ZNF718: variants seen among roughly 807,000 people sequenced by gnomAD.
The protein encoded by ZNF718 is zinc finger protein 718.
Under a neutral mutation model 2.6 loss-of-function variants are expected in ZNF718, and 3 were observed. That is an observed-to-expected ratio of 1.16 (90% CI 0.53 to 3.01). The LOEUF is 3.01. Among genes scored for constraint, ZNF718 ranks in the 30% most tolerant of loss-of-function variants. The pLI is 0.03. For synonymous variants in ZNF718, 135 were observed against 77.9 expected, an observed-to-expected ratio of 1.73 and a Z score of -3.86; for missense variants, 468 against 230.0, an observed-to-expected ratio of 2.03 and a Z score of -6.69.
chr4:142,059 C>T (rs371907579), intron 3 of ZNF718: 8 of 519,858 alleles, frequency 1.5e-5, no homozygotes, highest in Non-Finnish European at 2.3e-5. Flanking sequence ...ACCCACACTA[C>T]AACAAAATGT....
chr4:199,812 A>G (rs1406271957), intron 3 of ZNF718, among the ~76,000 whole-genome samples: 2 of 152,054 alleles, frequency 1.3e-5, no homozygotes, highest in African/African-American at 2.4e-5. Context: ...TTGTTCCCCT[A>G]ACGCCACACC....
downstream of ZNF718, among the ~76,000 whole-genome samples, chr4:166,947 A>T (rs568939526): frequency 1.3e-5 from 2 of 152,098 alleles, no homozygotes; most frequent in Non-Finnish European, 2.9e-5. Flanking sequence ...CCTGAATGGT[A>T]TTGCCTAGGT....
intron 3 of ZNF718, among the ~76,000 whole-genome samples, chr4:149,191 T>C (rs1202269220): frequency 6.6e-6 from 1 of 152,212 alleles, no homozygotes; most frequent in African/African-American, 2.4e-5. Context: ...ATTCAAAATT[T>C]CTGAAATAAA....
chr4:151,555 A>G (rs1156828159), intron 3 of ZNF718, among the ~76,000 whole-genome samples: 1 of 151,218 alleles, frequency 6.6e-6, no homozygotes, highest in Non-Finnish European at 1.5e-5. Flanking sequence ...ATCTTGGCTC[A>G]CTACAACCTC....
At chr4:167,394 T>G (rs1204575491), downstream of ZNF718, among the ~76,000 whole-genome samples, 1 of 152,156 alleles carries the variant, frequency 6.6e-6, no homozygotes, top group Admixed American at 6.6e-5. Flanking sequence ...AAAAAAGTCA[T>G]TGGTAGCTTG....
chr4:187,307 A>G (rs190528443), intron 3 of ZNF718, among the ~76,000 whole-genome samples: 24 of 148,872 alleles, frequency 1.6e-4, no homozygotes, highest in African/African-American at 5.4e-4. Flanking sequence ...GCTCACTGCA[A>G]CCTCCACCTC....
chr4:129,243 A>C (rs1715299394), intron 1 of ZNF718, among the ~76,000 whole-genome samples: 1 of 105,284 alleles, frequency 9.5e-6, no homozygotes, highest in Non-Finnish European at 2.1e-5. Context: ...TAATGTTATA[A>C]AATAGGGAAT....
rs1185363762 is a variant in ZNF718, at chr4:133,087, G to A, written c.226+1582G>A. 3.3e-5 allele frequency among the ~76,000 whole-genome samples: 3 copies of A among 90,754 alleles called. 1 individual carries two copies. The South Asian group carries it at 1.1e-3, about 32-fold the overall frequency. 59.5% of individuals were successfully genotyped at this position (90,754 alleles called of 152,430 possible). ...AGCTACTTGGGAGGCTGAGGTAGGA[G>A]AATTGCTTGACCCCAGGAGGTGGAG... On this transcript the variant is annotated intron_variant, in intron 3 of 3. Coordinates refer to ENST00000510175, the MANE Select transcript of ZNF718 (RefSeq NM_001039127.6).
intron 3 of ZNF718, among the ~76,000 whole-genome samples, chr4:170,667 T>C (rs564722010): frequency 3.5e-4 from 54 of 152,334 alleles, no homozygotes; most frequent in South Asian, 1.2e-3. Flanking sequence ...GCGTTCGTCA[T>C]GTAGTTCTCA....
intron 3 of ZNF718, among the ~76,000 whole-genome samples, chr4:151,738 C>T (rs993397887): frequency 6.6e-6 from 1 of 152,196 alleles, no homozygotes; most frequent in Non-Finnish European, 1.5e-5. Flanking sequence ...CCTCAACCAA[C>T]CAATGTAGGG....
intron 3 of ZNF718, among the ~76,000 whole-genome samples, chr4:147,223 T>C (rs2108792232): frequency 6.6e-6 from 1 of 152,322 alleles, no homozygotes; most frequent in East Asian, 1.9e-4. Flanking sequence ...TCTCTGTTAG[T>C]CATTTTTTAG....
intron 3 of ZNF718, among the ~76,000 whole-genome samples, chr4:144,677 T>G (rs191354752): frequency 1.6e-4 from 25 of 152,294 alleles, no homozygotes; most frequent in African/African-American, 6.0e-4. Context: ...TTGTTTAATT[T>G]CTTGCATCGA....
intron 3 of ZNF718, among the ~76,000 whole-genome samples, chr4:152,876 T>C (rs1266366184): frequency 3.3e-5 from 5 of 151,488 alleles, no homozygotes; most frequent in African/African-American, 1.2e-4. Flanking sequence ...TTCTGTAGAT[T>C]ATCTCTTCAC....
intron 3 of ZNF718, among the ~76,000 whole-genome samples, chr4:175,755 C>G (rs1259612826): frequency 6.6e-6 from 1 of 152,140 alleles, no homozygotes; most frequent in Non-Finnish European, 1.5e-5. Context: ...CCAACACCCC[C>G]TCCAGGGAAG....
chr4:151,106 A>T (rs537635051), intron 3 of ZNF718, among the ~76,000 whole-genome samples: 33 of 151,946 alleles, frequency 2.2e-4, no homozygotes, highest in East Asian at 3.9e-4. Context: ...TTAATTAATT[A>T]ATTTATTTAT....
chr4:136,068 C>T (rs573377586), intron 3 of ZNF718, among the ~76,000 whole-genome samples: 3 of 151,974 alleles, frequency 2.0e-5, no homozygotes, highest in East Asian at 1.9e-4. Context: ...GTTGTGTTAC[C>T]GGAGATTTGG....
rs1319958170 is a variant in ZNF718 at position 192,644 on chromosome 4, A to G, written c.227-8437A>G. Among the ~76,000 whole-genome samples, 3 of 152,166 alleles carry G rather than the reference A, an allele frequency of 2.0e-5. No homozygotes were observed. The East Asian group carries it at 5.8e-4, about 29-fold the overall frequency. ...AACTGGGGCATAGTAGGGGTCATGC[A>G]GTTGAGATTTCCTCGGGAGGGGTGC... On this transcript the variant is annotated intron_variant and NMD_transcript_variant, in intron 3 of 4. Transcript: ENST00000642529.
intron 3 of ZNF718, 76 bp from the exon 4 acceptor site, chr4:160,836 C>G: frequency 1.5e-6 from 1 of 673,814 alleles, no homozygotes; most frequent in Admixed American, 2.3e-5. Flanking sequence ...CTGGCTTGAG[C>G]TATAGTGCCT....
At chr4:166,253 T>G, downstream of ZNF718, among the ~76,000 whole-genome samples, 1 of 152,248 alleles carries the variant, frequency 6.6e-6, no homozygotes, top group Non-Finnish European at 1.5e-5. Flanking sequence ...TCTACACTGT[T>G]GGACATTTGG....
Sources: gnomAD v4.1 joint callset for allele counts (sites outside exome capture counted in the v4.1 genomes callset) on GRCh38, gnomAD v4.1.1 for gene constraint, MANE v1.5 for transcripts, NCBI Gene and HGNC (gene_info 2026-07-23, HGNC 2026-07-21) for gene names.